Variants in CYP46A1 observed in about 807,000 individuals in gnomAD.
CYP46A1 encodes cytochrome P450 family 46 subfamily A member 1, also known as cholesterol 24-hydroxylase.
A neutral mutation model predicts 63.3 loss-of-function variants in CYP46A1; 20 were observed. That is an observed-to-expected ratio of 0.32 (90% confidence interval 0.22 to 0.46). The LOEUF (loss-of-function observed/expected upper bound fraction) is 0.46. Ranked by LOEUF, CYP46A1 falls within the 20% of genes least tolerant of loss-of-function variation. CYP46A1 has a pLI of 1.00. For synonymous variants in CYP46A1, 268 were observed against 273.6 expected, an observed-to-expected ratio of 0.98 and a Z score of 0.20; for missense variants, 445 against 670.8, an observed-to-expected ratio of 0.66 and a Z score of 3.72.
intron 7 of CYP46A1, chr14:99,708,761 C>A: frequency 6.5e-6 from 1 of 152,694 alleles, no homozygotes. Context: ...TGAGGATAGG[C>A]CCATCCCTCC....
At position 99,693,587 on chromosome 14, in the gene CYP46A1, TTGAC is replaced by T. The variant is rs949338101; in HGVS notation, c.282+1729_282+1732del. The T allele has an allele frequency of 3.3e-5, 5 of 152,232 alleles. No homozygotes were observed. The South Asian group carries it at 6.2e-4, about 19-fold the overall frequency. The allele number at this position is 152,232 out of a possible 1,614,324, so 9.4% of individuals were successfully genotyped here. A position where few individuals can be genotyped will look rare whatever the true frequency, so the allele number is the denominator to read the frequency against. ...TATTTATTTGATTCTTGTAATGTCT[TTGAC>T]TGGTTTTGACATCAGGTTAATACTG... On this transcript the variant is annotated intron_variant, in intron 3 of 14. Coordinates refer to ENST00000261835, the MANE Select transcript of CYP46A1 (RefSeq NM_006668.2).
intron 1 of CYP46A1, among the ~76,000 whole-genome samples, chr14:99,688,187 A>G (rs922687735): frequency 3.3e-5 from 5 of 152,060 alleles, no homozygotes; most frequent in African/African-American, 1.2e-4. Flanking sequence ...GGAAGCGACA[A>G]TGAGGACACT....
chr14:99,724,492 C>T (rs969479823), intron 12 of CYP46A1, among the ~76,000 whole-genome samples: 17 of 152,198 alleles, frequency 1.1e-4, no homozygotes, highest in Non-Finnish European at 2.5e-4. Flanking sequence ...CAGGGGAAGC[C>T]CTGTGGCTCA....
chr14:99,714,999 G>A (rs2056775105), intron 7 of CYP46A1, among the ~76,000 whole-genome samples: 1 of 152,156 alleles, frequency 6.6e-6, no homozygotes, highest in South Asian at 2.1e-4. Flanking sequence ...TAGAGGCTGG[G>A]AAGGATGAGT....
At chr14:99,719,415 T>A (rs2056823169) in intron 10 of CYP46A1, among the ~76,000 whole-genome samples, 1 of 146,618 alleles carries the variant, frequency 6.8e-6, no homozygotes, top group South Asian at 2.2e-4. Flanking sequence ...AGAGACGGGG[T>A]TTTGCCATGT....
chr14:99,702,034 C>T (rs181210827), intron 5 of CYP46A1, among the ~76,000 whole-genome samples: 359 of 143,482 alleles, frequency 2.5e-3, no homozygotes, highest in Non-Finnish European at 4.2e-3. Flanking sequence ...CACTCCACTG[C>T]ACTCCAGCCT....
intron 7 of CYP46A1, among the ~76,000 whole-genome samples, chr14:99,714,112 A>G (rs2056764903): frequency 6.6e-6 from 1 of 152,336 alleles, no homozygotes; most frequent in South Asian, 2.1e-4. Context: ...CAAATGGCCA[A>G]GAGGTATATG....
chr14:99,696,532 C>CTTAATA (rs2056588746), intron 3 of CYP46A1, among the ~76,000 whole-genome samples: 2 of 152,170 alleles, frequency 1.3e-5, no homozygotes, highest in Non-Finnish European at 2.9e-5. Flanking sequence ...TCATCTCAGT[C>CTTAATA]TACTGTTAAG....
At chr14:99,705,698 G>T (rs1595193651) in intron 5 of CYP46A1, among the ~76,000 whole-genome samples, 1 of 152,334 alleles carries the variant, frequency 6.6e-6, no homozygotes, top group Admixed American at 6.5e-5. Context: ...AGGCCAAGGT[G>T]GGTGGATCAT....
At chr14:99,710,575 G>C (rs2056720324) in intron 7 of CYP46A1, 1 of 152,006 alleles carries the variant, frequency 6.6e-6, no homozygotes, top group Non-Finnish European at 1.5e-5. Flanking sequence ...ACTGTAAAAA[G>C]AGACAAGGTC....
chr14:99,686,510 C>A (rs1006715753), intron 1 of CYP46A1, among the ~76,000 whole-genome samples: 126 of 152,106 alleles, frequency 8.3e-4, no homozygotes, highest in Non-Finnish European at 1.5e-4. Flanking sequence ...TCATTTTCTC[C>A]CACCCCTCAC....
chr14:99,713,820 C>G (rs1248984361), intron 7 of CYP46A1, among the ~76,000 whole-genome samples: 3 of 130,104 alleles, frequency 2.3e-5, no homozygotes, highest in Non-Finnish European at 3.1e-5. Flanking sequence ...GAGCCGAGAT[C>G]ATGCCACTGC....
At chr14:99,724,074 C>G (rs898695414) in intron 12 of CYP46A1, among the ~76,000 whole-genome samples, 2 of 152,214 alleles carry the variant, frequency 1.3e-5, no homozygotes, top group Admixed American at 1.3e-4. Context: ...GGTCTTCCTT[C>G]TGTGTGTCTG....
At chr14:99,719,524 C>T (rs945017721) in intron 10 of CYP46A1, among the ~76,000 whole-genome samples, 6 of 151,718 alleles carry the variant, frequency 4.0e-5, no homozygotes, top group East Asian at 3.9e-4. Context: ...TCCTGGCCTC[C>T]GTCTCCAGAC....
intron 12 of CYP46A1, among the ~76,000 whole-genome samples, chr14:99,723,434 G>A (rs566937434): frequency 4.6e-5 from 7 of 152,056 alleles, no homozygotes; most frequent in East Asian, 3.9e-4. Context: ...TCGGCCTCCC[G>A]AGTAGCTGGG....
rs1194670132 is a variant in CYP46A1 at position 99,722,676 on chromosome 14, T to TGTGTGTGTGTGTGTGC, written c.1176+613_1176+614insTGTGTGTGTGTGCGTG. Among the ~76,000 whole-genome samples the TGTGTGTGTGTGTGTGC allele has an allele frequency of 2.0e-5, 3 of 149,918 alleles. No individual in the cohort carries two copies. Among genetic ancestry groups the TGTGTGTGTGTGTGTGC allele is most frequent in the Non-Finnish European group, 4.4e-5 (3 of 67,622 alleles). The stretch of plus-strand genomic sequence containing the variant: ...GTGTGTGTGTGTGTGTGTGTGTGTG[T>TGTGTGTGTGTGTGTGC]GTGCCTGTGTGCATTCACGCAGTAA... On this transcript the variant is annotated intron_variant, in intron 12 of 14. Coordinates refer to ENST00000261835, the MANE Select transcript of CYP46A1 (RefSeq NM_006668.2). The surrounding 1 kb of genome is among the most constrained non-coding windows in gnomAD (Gnocchi z 4.6).
chr14:99,719,378 A>ATTTTTTTTTTTTTTTTTTTTT (rs55679517), intron 10 of CYP46A1, among the ~76,000 whole-genome samples: 7 of 142,558 alleles, frequency 4.9e-5, no homozygotes, highest in African/African-American at 1.9e-4. Context: ...CACCTGGCTA[A>ATTTTTTTTTTTTTTTTTTTTT]TTTTTTTTTT....
At chr14:99,691,330 C>A in intron 2 of CYP46A1, 169 bp downstream of exon 2, 1 of 653,134 alleles carries the variant, frequency 1.5e-6, no homozygotes. Flanking sequence ...GCTTGGAAGC[C>A]ATGCTCTGCC....
intron 5 of CYP46A1, among the ~76,000 whole-genome samples, chr14:99,705,817 C>T (rs2056671189): frequency 6.6e-6 from 1 of 152,130 alleles, no homozygotes; most frequent in Admixed American, 6.5e-5. Context: ...CCCAGCTACT[C>T]GGGAGCCTGA....
Sources: allele counts gnomAD v4.1 joint callset (sites outside exome capture counted in the v4.1 genomes callset), GRCh38; gene constraint gnomAD v4.1.1; non-coding constraint Gnocchi (gnomAD v3.1); transcripts MANE v1.5; gene names NCBI Gene and HGNC (gene_info 2026-07-23, HGNC 2026-07-21).